FBRSL1: variants seen among roughly 807,000 people sequenced by gnomAD.
The protein encoded by FBRSL1 is fibrosin-1-like protein.
In FBRSL1, 51 loss-of-function variants were observed where a neutral mutation model predicts 89.6. The observed-to-expected ratio is 0.57, with a 90% confidence interval of 0.45 to 0.72. The LOEUF is 0.72. FBRSL1 is among the 30% of genes least tolerant of loss of function. The pLI, the probability that FBRSL1 is intolerant of heterozygous loss-of-function variation, is 0.00. For missense variants in FBRSL1, 1,618 were observed against 1,451.8 expected, an observed-to-expected ratio of 1.11 and a Z score of -1.86; for synonymous variants, 779 against 681.1, an observed-to-expected ratio of 1.14 and a Z score of -2.24.
chr12:132,550,210 G>T (rs1168387906), intron 5 of FBRSL1, among the ~76,000 whole-genome samples: 1 of 152,138 alleles, frequency 6.6e-6, no homozygotes, highest in Non-Finnish European at 1.5e-5. Context: ...GCAGGGGAGG[G>T]AGAGGGGCTG....
At chr12:132,557,979 C>T (rs2038811687) in intron 5 of FBRSL1, among the ~76,000 whole-genome samples, 1 of 152,190 alleles carries the variant, frequency 6.6e-6, no homozygotes. Context: ...GCCAGGCACG[C>T]AGGAAGGGGC....
intron 5 of FBRSL1, among the ~76,000 whole-genome samples, chr12:132,563,018 C>A (rs1265233052): frequency 1.4e-5 from 2 of 144,192 alleles, no homozygotes; most frequent in South Asian, 2.3e-4. Context: ...CACACCTGGC[C>A]CCCACAGCCT....
chr12:132,571,420 C>T, intron 9 of FBRSL1, 189 bp downstream of exon 9: 3 of 1,550,876 alleles, frequency 1.9e-6, no homozygotes, highest in Non-Finnish European at 1.7e-6. Flanking sequence ...CCATCAGCAC[C>T]AGCACACACA....
chr12:132,539,767 GTC>G, intron 4 of FBRSL1, among the ~76,000 whole-genome samples: 1 of 6,778 alleles, frequency 1.5e-4, no homozygotes, highest in African/African-American at 8.7e-4. Context: ...CCAGCCCCGT[GTC>G]CCCACCCACC....
chr12:132,582,838 G>A (rs1375041854), intron 18 of FBRSL1, 133 bp from the exon 19 acceptor site: 2 of 648,678 alleles, frequency 3.1e-6, no homozygotes, highest in Non-Finnish European at 4.6e-6. Flanking sequence ...GGGGGTGCGG[G>A]AGCTGTGGGT....
intron 14 of FBRSL1, among the ~76,000 whole-genome samples, chr12:132,576,207 T>G (rs2040371367): frequency 6.6e-6 from 1 of 151,412 alleles, no homozygotes; most frequent in African/African-American, 2.4e-5. Flanking sequence ...TTTTTTTTTT[T>G]CTTGAGATAG....
intron 2 of FBRSL1, among the ~76,000 whole-genome samples, chr12:132,525,333 G>A (rs1282092208): frequency 6.6e-6 from 1 of 152,178 alleles, no homozygotes; most frequent in African/African-American, 2.4e-5. Context: ...CAGGGTGTGG[G>A]TGGAGGCCCT....
In FBRSL1 at chr12:132,574,338, C is replaced by A. The variant is rs761424164; in HGVS notation, c.1619C>A (p.Ala540Glu). Residue 540 changes from alanine (A) to glutamate (E), a missense_variant, in exon 13 of 19, where the codon GCG becomes GAG. By Grantham distance (107) the Ala-to-Glu change is moderately radical. Coordinates refer to ENST00000680143, the MANE Select transcript of FBRSL1 (RefSeq NM_001367871.1). ...KAPGVSDPYR[A>E]VVKKPGRWCA... Reference sequence around the variant, plus strand: ...CCACAGGTGTCTGACCCGTACCGGGCGGTGGTCAAGGTGAGCACGTGTTGG... The same window carrying A: ...CCACAGGTGTCTGACCCGTACCGGGAGGTGGTCAAGGTGAGCACGTGTTGG... 6.5e-7 allele frequency: 1 copy of A among 1,549,170 alleles called. No individual in the cohort carries two copies. Among genetic ancestry groups the A allele is most frequent in the Non-Finnish European group, 8.7e-7 (1 of 1,146,350 alleles).
Position 132,508,232 on chromosome 12 carries a change from C to A in FBRSL1, c.371C>A (p.Thr124Asn), listed in dbSNP as rs61743514. The change falls in exon 2 of 19, where the codon ACC becomes AAC. Residue 124 changes from threonine to asparagine, a missense_variant. Coordinates refer to ENST00000680143, the MANE Select transcript of FBRSL1 (RefSeq NM_001367871.1). ...RLIKKPRESE[T>N]CPPAEPSENR... ...ATCAAGAAGCCCCGGGAGTCGGAAA[C>A]CTGCCCCCCTGCGGAGCCCAGTGAG... 1,595 of 1,550,972 alleles carry A rather than the reference C, an allele frequency of 1.0e-3. 25 individuals carry two copies. In the African/African-American group the frequency reaches 0.019, roughly 19 times the overall value.
rs1190990998 is a variant in FBRSL1, at chr12:132,574,096, A to G, written c.1537A>G (p.Ser513Gly). 2 of 1,330,178 alleles carry G rather than the reference A, an allele frequency of 1.5e-6. No individual in the cohort carries two copies. Among genetic ancestry groups the G allele is most frequent in the East Asian group, 3.1e-5 (1 of 32,454 alleles). 82.4% of individuals were successfully genotyped at this position (1,330,178 alleles called of 1,614,324 possible). A position where few individuals can be genotyped will look rare whatever the true frequency, so the allele number is the denominator to read the frequency against. ...LQGAFQPKTSSPIEVARRAGA... is the reference protein window; with the variant it reads ...LQGAFQPKTSGPIEVARRAGA... ...TGTCTCTTTCTCCCCTCAGACTTCA[A>G]GCCCCATTGAGGTGGCCCGCCGGGC... Residue 513 changes from serine to glycine, a missense_variant, in exon 12 of 19, where the codon AGC (serine) becomes GGC (glycine). Physicochemically the swap from Ser to Gly is moderately conservative, Grantham distance 56. Coordinates refer to ENST00000680143, the MANE Select transcript of FBRSL1 (RefSeq NM_001367871.1).
intron 18 of FBRSL1, 34 bp downstream of exon 18, chr12:132,582,300 A>G (rs1230700733): frequency 5.9e-6 from 9 of 1,518,168 alleles, no homozygotes; most frequent in Admixed American, 4.0e-5. Flanking sequence ...TCCCCACCAC[A>G]CACCCCTACC....
At chr12:132,495,081 C>T (rs1198734632) in intron 1 of FBRSL1, among the ~76,000 whole-genome samples, 1 of 152,154 alleles carries the variant, frequency 6.6e-6, no homozygotes, top group Non-Finnish European at 1.5e-5. Flanking sequence ...TGGGCCTTGG[C>T]CAAGGGGAGG....
chr12:132,542,979 G>A (rs1296957009), intron 4 of FBRSL1, among the ~76,000 whole-genome samples: 1 of 152,244 alleles, frequency 6.6e-6, no homozygotes, highest in East Asian at 1.9e-4. Flanking sequence ...GCCGCCCAGG[G>A]TCTGGAAGGG....
intron 9 of FBRSL1, chr12:132,571,513 G>A (rs1240347189): frequency 5.9e-6 from 9 of 1,528,004 alleles, no homozygotes; most frequent in East Asian, 2.5e-5. Context: ...GCCGCCCGCC[G>A]CACCCCCGCC....
Position 132,583,078 on chromosome 12 carries a change from C to T in FBRSL1, c.2309C>T (p.Ser770Phe), listed in dbSNP as rs879433101. ...LLRAQSELGR[S>F]GAPAEREAEP... ...CGGGCCCAGAGCGAGCTGGGCCGGT[C>T]CGGGGCCCCCGCGGAGCGCGAGGCC... The change falls in exon 19 of 19, where the codon TCC becomes TTC. Residue 770 changes from serine to phenylalanine, a missense_variant. By Grantham distance (155) the Ser-to-Phe change is radical. Coordinates refer to ENST00000680143, the MANE Select transcript of FBRSL1 (RefSeq NM_001367871.1). 2.1e-6 allele frequency: 3 copies of T among 1,444,924 alleles called. No individual in the cohort carries two copies. Among genetic ancestry groups the T allele is most frequent in the South Asian group, 1.3e-5 (1 of 75,674 alleles). 89.5% of individuals were successfully genotyped at this position (1,444,924 alleles called of 1,614,324 possible).
intron 15 of FBRSL1, among the ~76,000 whole-genome samples, chr12:132,577,560 C>G (rs923571821): frequency 2.6e-5 from 4 of 152,018 alleles, no homozygotes; most frequent in African/African-American, 4.8e-5. Context: ...CTCAGTAGCA[C>G]GGCCCAGGGT....
At chr12:132,569,896 G>T in intron 6 of FBRSL1, 30 bp from the exon 7 acceptor site, 1 of 1,360,700 alleles carries the variant, frequency 7.3e-7, no homozygotes. Flanking sequence ...AGGCCCTGCT[G>T]GTCTGAACGC....
At chr12:132,509,893 A>G in intron 2 of FBRSL1, 1 of 1,231,248 alleles carries the variant, frequency 8.1e-7, no homozygotes, top group Non-Finnish European at 1.0e-6. Context: ...CTCCCAGGAC[A>G]GTGCTGCTGC....
chr12:132,542,997 G>A (rs2037395430), intron 4 of FBRSL1, among the ~76,000 whole-genome samples: 1 of 152,156 alleles, frequency 6.6e-6, no homozygotes, highest in South Asian at 2.1e-4. Flanking sequence ...GGGGTGCAGG[G>A]AGGCCTGGGT....
Sources: gnomAD v4.1 joint callset for allele counts (sites outside exome capture counted in the v4.1 genomes callset) on GRCh38, gnomAD v4.1.1 for gene constraint, MANE v1.5 for transcripts, NCBI Gene and HGNC (gene_info 2026-07-23, HGNC 2026-07-21) for gene names.